Variants in DNAH1 observed in about 807,000 individuals in gnomAD.
DNAH1 encodes the protein axonemal beta dynein heavy chain 1.
DNAH1 carries 327 observed loss-of-function variants against 484.3 expected under a neutral mutation model. The observed-to-expected ratio is 0.68, with a 90% CI of 0.62 to 0.74. The LOEUF (loss-of-function observed/expected upper bound fraction) is 0.74. DNAH1 is among the 30% of genes least tolerant of loss of function. The probability of loss-of-function intolerance (pLI) is 0.00; values close to 1 mark genes in which losing one functional copy is unlikely to be tolerated. For synonymous variants in DNAH1, 2,192 were observed against 2,191.9 expected (o/e 1.00, Z 0.00); for missense variants, 5,052 against 5,546.8 (o/e 0.91, Z 2.83).
chr3:52,360,341 C>G lies in DNAH1; in HGVS notation c.4602C>G (p.Ile1534Met). The G allele has an allele frequency of 7.4e-6, 12 of 1,613,964 alleles. No individual in the cohort carries two copies. The highest frequency in any genetic ancestry group is 1.0e-5 in the Non-Finnish European group (12 of 1,179,858). Residue 1534 changes from isoleucine to methionine, a missense_variant, in exon 28 of 78, where the codon ATC becomes ATG. Ile to Met is a conservative substitution (Grantham distance 10). This residue lies in a region of DNAH1 where 2,929 missense variants were observed against 3,409.4 expected (regional missense o/e 0.86). Coordinates refer to ENST00000420323, the MANE Select transcript of DNAH1 (RefSeq NM_015512.5). ...RYYWTNNDLY[I>M]RAVNAEFIYG... ...ACTGGACAAATAATGACCTGTATAT[C>G]CGTGCTGTGAATGCTGAGTTCATCT...
intron 77 of DNAH1, 141 bp downstream of exon 77, chr3:52,399,920 G>A: frequency 1.1e-6 from 1 of 890,330 alleles, no homozygotes; most frequent in South Asian, 1.7e-5. Flanking sequence ...GCAGCAGGCA[G>A]GTTAATGCCC....
At chr3:52,389,736 G>A in intron 60 of DNAH1, 150 bp downstream of exon 60, 1 of 956,434 alleles carries the variant, frequency 1.0e-6, no homozygotes. Context: ...CAAGAGGGTG[G>A]TAGGAGGACA....
At chr3:52,390,819 A>G (rs1704338692) in intron 60 of DNAH1, 116 bp from the exon 61 acceptor site, 1 of 1,448,248 alleles carries the variant, frequency 6.9e-7, no homozygotes, top group African/African-American at 1.4e-5. Flanking sequence ...CTCCAAGGGG[A>G]TGCAGTAAGG....
chr3:52,398,898 C>T lies in DNAH1; in HGVS notation c.12138C>T (p.Leu4046=). 1 of 1,600,286 alleles carries T rather than the reference C, an allele frequency of 6.2e-7. No homozygotes were observed. Among genetic ancestry groups the T allele is most frequent in the South Asian group, 1.1e-5 (1 of 89,096 alleles). ...QVITQTLQDL[L]KALKGLVVMS... Reference sequence around the variant, plus strand: ...TCACACAGACACTGCAAGACCTACTCAAGGCACTCAAGGGGCTGGTAGTGA... The same window carrying T: ...TCACACAGACACTGCAAGACCTACTTAAGGCACTCAAGGGGCTGGTAGTGA... The change falls in exon 76 of 78, where the codon CTC becomes CTT. Residue 4046 remains leucine, a synonymous_variant. Transcript: ENST00000420323.
intron 8 of DNAH1, among the ~76,000 whole-genome samples, chr3:52,338,464 C>T (rs182026727): frequency 1.3e-5 from 2 of 152,286 alleles, no homozygotes. Flanking sequence ...CACTCATCTC[C>T]ACCTTTTAGT....
Position 52,378,655 on chromosome 3 carries a change from A to G in DNAH1, c.7252A>G (p.Met2418Val). ...FTEPLVEATI[M>V]VYATITSQLL... ...GGAGCCCCTTGTGGAAGCCACCATC[A>G]TGGTGTATGCAACCATCACCTCCCA... is the stretch of plus-strand genomic sequence containing the variant. The change falls in exon 47 of 78, where the codon ATG becomes GTG. Residue 2418 changes from methionine to valine, a missense_variant. By Grantham distance (21) the Met-to-Val change is conservative. Transcript: ENST00000420323. 2 of 1,613,690 alleles carry G rather than the reference A, an allele frequency of 1.2e-6. No individual in the cohort carries two copies. Among genetic ancestry groups the G allele is most frequent in the South Asian group, 1.1e-5 (1 of 91,060 alleles).
chr3:52,374,323 C>A (rs1703488179), intron 44 of DNAH1: 3 of 1,534,460 alleles, frequency 2.0e-6, no homozygotes, highest in Non-Finnish European at 1.8e-6. Context: ...TACCTTTGCA[C>A]AAAGTGAAAT....
At chr3:52,330,911 C>G (rs1350956890) in intron 6 of DNAH1, among the ~76,000 whole-genome samples, 1 of 152,194 alleles carries the variant, frequency 6.6e-6, no homozygotes, top group African/African-American at 2.4e-5. Context: ...TGCTGAGCAC[C>G]AGGGCAGAGA....
In DNAH1 at chr3:52,398,904, A is replaced by G. The variant is rs548166239; in HGVS notation, c.12144A>G (p.Ala4048=). Residue 4048 remains alanine (A), a synonymous_variant, in exon 76 of 78, where the codon GCA becomes GCG. Coordinates refer to ENST00000420323, the MANE Select transcript of DNAH1 (RefSeq NM_015512.5). ...ITQTLQDLLK[A]LKGLVVMSSQ... is the part of the protein sequence containing the mutation. ...AGACACTGCAAGACCTACTCAAGGC[A>G]CTCAAGGGGCTGGTAGTGATGTCCT... is the stretch of plus-strand genomic sequence containing the variant. The G allele has an allele frequency of 1.9e-6, 3 of 1,604,628 alleles. No individual in the cohort carries two copies. The South Asian group carries it at 3.3e-5, about 18-fold the overall frequency.
chr3:52,321,531 G>A lies in DNAH1; in HGVS notation c.-34-878G>A, dbSNP rs146509642. On this transcript the variant is annotated intron_variant, in intron 1 of 77. Coordinates refer to ENST00000420323, the MANE Select transcript of DNAH1 (RefSeq NM_015512.5). ...ATACCCTTGTCCAATTTCTTGTCATGTTCTCCTGCCCAAGGATTCTCCGTG... is the reference window on the plus strand; with the variant it reads ...ATACCCTTGTCCAATTTCTTGTCATATTCTCCTGCCCAAGGATTCTCCGTG... The A allele has an allele frequency of 6.6e-5, 10 of 152,162 alleles. No individual in the cohort carries two copies. The East Asian group carries it at 1.9e-3, about 29-fold the overall frequency. The allele number at this position is 152,162 out of a possible 1,614,324, so 9.4% of individuals were successfully genotyped here.
In DNAH1 at chr3:52,381,590, C is replaced by A. The variant is rs1387286155; in HGVS notation, c.7609-50C>A. 6.6e-7 allele frequency: 1 copy of A among 1,513,244 alleles called. No individual in the cohort carries two copies. Among genetic ancestry groups the A allele is most frequent in the Non-Finnish European group, 8.9e-7 (1 of 1,118,234 alleles). 93.7% of individuals were successfully genotyped at this position (1,513,244 alleles called of 1,614,324 possible). A position where few individuals can be genotyped will look rare whatever the true frequency, so the allele number is the denominator to read the frequency against. On this transcript the variant is annotated intron_variant, in intron 48 of 77. Transcript: ENST00000420323. The surrounding 1 kb of genome is among the most constrained non-coding windows in gnomAD (Gnocchi z 4.1). ...GGGTGGGTGGGGGGAATCGGGGAGA[C>A]CCTACAGTAAGAGAGACCCCGCCTT... is the stretch of plus-strand genomic sequence containing the variant.
intron 3 of DNAH1, among the ~76,000 whole-genome samples, chr3:52,324,423 A>G (rs1156714454): frequency 6.6e-6 from 1 of 152,108 alleles, no homozygotes; most frequent in African/African-American, 2.4e-5. Flanking sequence ...AGGGGAGAAC[A>G]GGGGCTCCAG....
At position 52,366,409 on chromosome 3, in the gene DNAH1, G is replaced by T. The variant is rs371429763; in HGVS notation, c.5519-48G>T. ...TCACACAAGTTAGTGGTGTGGCCAG[G>T]ACCCAAGCCCATGCTCTGACCCTTG... On this transcript the variant is annotated intron_variant, in intron 34 of 77. Coordinates refer to ENST00000420323, the MANE Select transcript of DNAH1 (RefSeq NM_015512.5). 7.3e-6 allele frequency: 11 copies of T among 1,505,456 alleles called. No individual in the cohort carries two copies. The African/African-American group carries it at 1.4e-4, about 19-fold the overall frequency. 93.3% of individuals were successfully genotyped at this position (1,505,456 alleles called of 1,614,324 possible).
chr3:52,379,973 T>C lies in DNAH1; in HGVS notation c.7446T>C (p.Asn2482=), dbSNP rs61734634. 5.7e-6 allele frequency: 9 copies of C among 1,586,582 alleles called. No individual in the cohort carries two copies. Among genetic ancestry groups the C allele is most frequent in the Non-Finnish European group, 6.0e-6 (7 of 1,166,794 alleles). Residue 2482 remains asparagine (N), a synonymous_variant, in exon 48 of 78, where the codon AAT becomes AAC. Transcript: ENST00000420323. This position sits in a 1 kb window ranked among gnomAD's most constrained non-coding sequence, Gnocchi z 4.4. Reference sequence around the variant, plus strand: ...GCGTGTTCCGGGACCGACTGGTGAATGAGGAGGACCGCAGCTGGTTCGACC... The same window carrying C: ...GCGTGTTCCGGGACCGACTGGTGAACGAGGAGGACCGCAGCTGGTTCGACC... The part of the protein sequence containing the change: ...NCRVFRDRLV[N]EEDRSWFDQL...
rs1378975634 is a variant in DNAH1, at chr3:52,368,169, A to G, written c.5766-572A>G. On this transcript the variant is annotated intron_variant, in intron 36 of 77. Coordinates refer to ENST00000420323, the MANE Select transcript of DNAH1 (RefSeq NM_015512.5). The surrounding 1 kb of genome is among the most constrained non-coding windows in gnomAD (Gnocchi z 4.4). ...GGTGGTGCAGGGAAGGAGCCTCAAG[A>G]GTGATCAGTTATCAAGGGTTCTGGC... Among the ~76,000 whole-genome samples, 1 of 152,170 alleles carries G rather than the reference A, an allele frequency of 6.6e-6. No homozygotes were observed. The highest frequency in any genetic ancestry group is 1.5e-5 in the Non-Finnish European group (1 of 68,032).
At position 52,393,380 on chromosome 3, in the gene DNAH1, C is replaced by T. The variant is rs1192036981; in HGVS notation, c.10521C>T (p.Tyr3507=). Residue 3507 remains tyrosine, a synonymous_variant, in exon 66 of 78, where the codon TAC becomes TAT. Transcript: ENST00000420323. ...CCAACATCAACCGCTACCTGACCTA[C>T]AGCCTCTACAGCAACGTCTGCCGCA... ...RISNINRYLT[Y]SLYSNVCRSL... is the part of the protein sequence containing the mutation. 9 of 1,613,912 alleles carry T rather than the reference C, an allele frequency of 5.6e-6. No homozygotes were observed. The East Asian group carries it at 1.8e-4, about 32-fold the overall frequency.
Position 52,360,357 on chromosome 3 carries a change from G to A in DNAH1, c.4618G>A (p.Glu1540Lys), listed in dbSNP as rs1313878212. ...CCTGTATATCCGTGCTGTGAATGCT[G>A]AGTTCATCTATGGCTATGAGTACCT... ...NDLYIRAVNA[E>K]FIYGYEYLGN... Residue 1540 changes from glutamate (E) to lysine (K), a missense_variant, in exon 28 of 78, where the codon GAG (glutamate) becomes AAG (lysine). This residue lies in a region of DNAH1 where 2,929 missense variants were observed against 3,409.4 expected (regional missense o/e 0.86). Transcript: ENST00000420323. 6.2e-7 allele frequency: 1 copy of A among 1,613,986 alleles called. No homozygotes were observed. Among genetic ancestry groups the A allele is most frequent in the Admixed American group, 1.7e-5 (1 of 60,024 alleles).
At chr3:52,376,096 C>T (rs1703588879) in intron 46 of DNAH1, 103 bp downstream of exon 46, 3 of 1,436,356 alleles carry the variant, frequency 2.1e-6, no homozygotes, top group Non-Finnish European at 2.8e-6. Flanking sequence ...GTGAACCATC[C>T]TCAGGTTCAT....
rs934581895 is a variant in DNAH1, at chr3:52,352,704, C to T, written c.3024C>T (p.Thr1008=). 8.7e-6 allele frequency: 14 copies of T among 1,608,630 alleles called. No individual in the cohort carries two copies. The highest frequency in any genetic ancestry group is 1.2e-5 in the Non-Finnish European group (14 of 1,176,198). The part of the protein sequence containing the change: ...NRERIFSLPI[T]NYDKLSRMVK... ...AGCGCATCTTCAGCTTGCCCATCAC[C>T]AATGTAGGCCTCCTGCAGGCACCCT... The change falls in exon 18 of 78, where the codon ACC becomes ACT. Residue 1008 remains threonine (T), a synonymous_variant. Coordinates refer to ENST00000420323, the MANE Select transcript of DNAH1 (RefSeq NM_015512.5).
Sources: allele counts gnomAD v4.1 joint callset (sites outside exome capture counted in the v4.1 genomes callset), GRCh38; gene constraint gnomAD v4.1.1; regional missense constraint gnomAD v4.1.1; non-coding constraint Gnocchi (gnomAD v3.1); transcripts MANE v1.5; gene names NCBI Gene and HGNC (gene_info 2026-07-23, HGNC 2026-07-21).